Variants in TMEM260 observed in about 807,000 individuals in gnomAD.
TMEM260 encodes the protein transmembrane protein 260.
Under a neutral mutation model 88.9 loss-of-function variants are expected in TMEM260, and 82 were observed. The observed-to-expected ratio is 0.92, with a 90% CI of 0.77 to 1.11. TMEM260 has a LOEUF of 1.11. Among genes scored for constraint, TMEM260 ranks in the 50% least tolerant of loss-of-function variants. TMEM260 has a pLI of 0.00. For missense variants in TMEM260, 902 were observed against 853.4 expected, an observed-to-expected ratio of 1.06 and a Z score of -0.71; for synonymous variants, 314 against 309.3, an observed-to-expected ratio of 1.02 and a Z score of -0.16.
intron 15 of TMEM260, among the ~76,000 whole-genome samples, chr14:56,637,602 A>T (rs1312386787): frequency 1.3e-5 from 2 of 152,206 alleles, no homozygotes; most frequent in Non-Finnish European, 1.5e-5. Context: ...GGCCAATGAA[A>T]ACAGAGGGTA....
chr14:56,592,623 C>A (rs1015011799), intron 3 of TMEM260, among the ~76,000 whole-genome samples: 8 of 152,186 alleles, frequency 5.3e-5, no homozygotes, highest in African/African-American at 1.9e-4. Context: ...ATGACTAGGA[C>A]CCAGAAAGAT....
intron 1 of TMEM260, among the ~76,000 whole-genome samples, chr14:56,580,354 G>T (rs2139485095): frequency 6.6e-6 from 1 of 152,292 alleles, no homozygotes. Flanking sequence ...CTTTTATCCT[G>T]GTCCTGAGTA....
intron 15 of TMEM260, among the ~76,000 whole-genome samples, chr14:56,644,865 T>A (rs1309982082): frequency 6.6e-6 from 1 of 152,054 alleles, no homozygotes; most frequent in Non-Finnish European, 1.5e-5. Context: ...CAAAAGACAT[T>A]TATGCAGCCA....
At chr14:56,615,724 A>T in intron 7 of TMEM260, 1 of 497,438 alleles carries the variant, frequency 2.0e-6, no homozygotes, top group Non-Finnish European at 3.6e-6. Flanking sequence ...TCCAAATTAT[A>T]TAAGTTGATA....
At position 56,632,185 on chromosome 14, in the gene TMEM260, T is replaced by G. The variant is rs78004730; in HGVS notation, c.1548-810T>G. ...CCTTTCTGTGGTCACCCCATTACTTTCCAGCTTGCTGGGGCCTTCCTTTTT... is the reference window on the plus strand; with the variant it reads ...CCTTTCTGTGGTCACCCCATTACTTGCCAGCTTGCTGGGGCCTTCCTTTTT... On this transcript the variant is annotated intron_variant, in intron 12 of 15. Transcript: ENST00000261556. Among the ~76,000 whole-genome samples the G allele has an allele frequency of 9.7e-3, 1,471 of 152,310 alleles. 46 individuals are homozygous for G. In the East Asian group the frequency reaches 0.099, roughly 10 times the overall value.
intron 3 of TMEM260, among the ~76,000 whole-genome samples, chr14:56,590,440 G>A (rs1290063778): frequency 2.0e-5 from 3 of 152,300 alleles, no homozygotes; most frequent in Non-Finnish European, 2.9e-5. Flanking sequence ...TATTCTGAGC[G>A]GTGGGCCGCT....
intron 3 of TMEM260, among the ~76,000 whole-genome samples, chr14:56,591,373 G>A (rs182239477): frequency 6.6e-6 from 1 of 152,308 alleles, no homozygotes; most frequent in East Asian, 1.9e-4. Flanking sequence ...TGTTTATTAA[G>A]TTGGTTAGTA....
At chr14:56,639,132 T>C (rs1889363922) in intron 15 of TMEM260, among the ~76,000 whole-genome samples, 1 of 152,166 alleles carries the variant, frequency 6.6e-6, no homozygotes, top group African/African-American at 2.4e-5. Context: ...GGCATCTATT[T>C]TGGACTTCAA....
chr14:56,610,636 AG>A (rs984114650), intron 6 of TMEM260, among the ~76,000 whole-genome samples: 1 of 152,202 alleles, frequency 6.6e-6, no homozygotes, highest in African/African-American at 2.4e-5. Context: ...TTTTATATGT[AG>A]GAGATGTTTC....
At chr14:56,632,413 T>C (rs1888679963) in intron 12 of TMEM260, among the ~76,000 whole-genome samples, 1 of 152,128 alleles carries the variant, frequency 6.6e-6, no homozygotes, top group Admixed American at 6.5e-5. Context: ...AACCCACCAC[T>C]ACTATCACTA....
intron 15 of TMEM260, among the ~76,000 whole-genome samples, chr14:56,645,348 A>G (rs902835037): frequency 7.9e-5 from 12 of 152,086 alleles, no homozygotes; most frequent in African/African-American, 2.4e-4. Context: ...TTGTAGGGAC[A>G]TGGATGAAGC....
At chr14:56,607,771 A>G (rs1450085113) in intron 5 of TMEM260, among the ~76,000 whole-genome samples, 4 of 152,182 alleles carry the variant, frequency 2.6e-5, no homozygotes, top group East Asian at 3.8e-4. Context: ...TAATTCTGAT[A>G]TAAGTGATCT....
chr14:56,607,515 C>A (rs1886985522), intron 5 of TMEM260, among the ~76,000 whole-genome samples: 1 of 152,140 alleles, frequency 6.6e-6, no homozygotes, highest in Non-Finnish European at 1.5e-5. Flanking sequence ...TTGGATCTCA[C>A]TGGGAGATGA....
intron 14 of TMEM260, 61 bp from the exon 15 acceptor site, chr14:56,636,447 C>T: frequency 7.5e-7 from 1 of 1,335,748 alleles, no homozygotes; most frequent in Admixed American, 1.7e-5. Context: ...GAAGATTTAG[C>T]TAGCCCTGAA....
chr14:56,613,510 A>T (rs1363891886), intron 7 of TMEM260: 1 of 152,214 alleles, frequency 6.6e-6, no homozygotes, highest in Non-Finnish European at 1.5e-5. Flanking sequence ...TCTGTTAATG[A>T]CTATATTTTT....
downstream of TMEM260, chr14:56,650,140 T>TA (rs764026277): frequency 2.2e-6 from 1 of 450,904 alleles, no homozygotes; most frequent in South Asian, 1.6e-5. Context: ...GAGGAGACTG[T>TA]AATGGAGGTG....
At chr14:56,594,195 A>G (rs1355569297) in intron 3 of TMEM260, among the ~76,000 whole-genome samples, 2 of 152,208 alleles carry the variant, frequency 1.3e-5, no homozygotes, top group Admixed American at 6.5e-5. Flanking sequence ...TTGAGAATGG[A>G]AAACATTTTT....
chr14:56,606,010 A>T (rs1886879295), intron 5 of TMEM260, among the ~76,000 whole-genome samples: 1 of 152,156 alleles, frequency 6.6e-6, no homozygotes, highest in Admixed American at 6.5e-5. Flanking sequence ...GTGGTGTGCC[A>T]TCATACTTCA....
chr14:56,639,705 G>A lies in TMEM260; in HGVS notation c.1869+3107G>A, dbSNP rs147300471. On this transcript the variant is annotated intron_variant, in intron 15 of 15. Coordinates refer to ENST00000261556, the MANE Select transcript of TMEM260 (RefSeq NM_017799.4). ...CAAGGCATTGCCTCACCCAGGAAGC[G>A]CAAGGGGGCAGGGAATTCCCTTTCC... 8.7e-3 allele frequency among the ~76,000 whole-genome samples: 1,322 copies of A among 152,314 alleles called. 27 individuals carry two copies. Among genetic ancestry groups the A allele is most frequent in the African/African-American group, 0.03 (1,266 of 41,562 alleles).
Sources: gnomAD v4.1 joint callset for allele counts (sites outside exome capture counted in the v4.1 genomes callset) on GRCh38, gnomAD v4.1.1 for gene constraint, MANE v1.5 for transcripts, NCBI Gene and HGNC (gene_info 2026-07-23, HGNC 2026-07-21) for gene names.